The following BRS3 variants were observed in gnomAD, a reference collection of about 807,000 sequenced individuals.
BRS3 encodes bombesin receptor subtype-3.
Under a neutral mutation model 18.8 loss-of-function variants are expected in BRS3, and 5 were observed. The observed-to-expected ratio is 0.27, with a 90% CI of 0.14 to 0.56. The LOEUF is 0.56. Among genes scored for constraint, BRS3 ranks in the 20% least tolerant of loss-of-function variants. BRS3 has a pLI of 0.93. For synonymous variants in BRS3, 121 were observed against 115.0 expected (o/e 1.05, Z -0.33); for missense variants, 215 against 296.3 (o/e 0.73, Z 2.01).
chrX:136,492,261 T>G lies in BRS3; in HGVS notation c.1086T>G (p.Leu362=), dbSNP rs2075673348. ...AGCCTCCTGTTGCTGACACCTCTCT[T>G]ACCACCCTGGCTGTGATGGGAACGG... ...RPEPPVADTS[L]TTLAVMGTVP... Residue 362 remains leucine (L), a synonymous_variant, in exon 3 of 3, where the codon CTT becomes CTG. Coordinates refer to ENST00000370648, the MANE Select transcript of BRS3 (RefSeq NM_001727.2). 1 of 1,211,711 alleles carries G rather than the reference T, an allele frequency of 8.3e-7. No homozygotes were observed. Among genetic ancestry groups the G allele is most frequent in the African/African-American group, 1.7e-5 (1 of 57,715 alleles).
In BRS3 at chrX:136,488,223, A is replaced by G. The variant is rs1391317266; in HGVS notation, c.109A>G (p.Ser37Gly). 1 of 1,211,823 alleles carries G rather than the reference A, an allele frequency of 8.3e-7. No homozygotes were observed. Among genetic ancestry groups the G allele is most frequent in the East Asian group, 3.0e-5 (1 of 33,875 alleles). ...VSNDNTNKGW[S>G]GDNSPGIEAL... ...TAACGATAACACAAATAAAGGATGG[A>G]GCGGGGACAACTCTCCAGGAATAGA... Residue 37 changes from serine to glycine, a missense_variant, in exon 1 of 3, where the codon AGC becomes GGC. This residue lies in a region of BRS3 where 47 missense variants were observed against 43.1 expected (regional missense o/e 1.09). Coordinates refer to ENST00000370648, the MANE Select transcript of BRS3 (RefSeq NM_001727.2).
chrX:136,490,335 T>G lies in BRS3; in HGVS notation c.637T>G (p.Leu213Val). ...CTSYPVSKKL[L>V]QEIHSLLCFL... Reference sequence around the variant, plus strand: ...CTCTTATCCTGTCTCTAAGAAGCTCTTGCAAGAAATACATTCTCTGCTGTG... The same window carrying G: ...CTCTTATCCTGTCTCTAAGAAGCTCGTGCAAGAAATACATTCTCTGCTGTG... The change falls in exon 2 of 3, where the codon TTG (leucine) becomes GTG (valine). Residue 213 changes from leucine (L) to valine (V), a missense_variant. By Grantham distance (32) the Leu-to-Val change is conservative. This residue lies in a region of BRS3 where 123 missense variants were observed against 207.6 expected (regional missense o/e 0.59). Coordinates refer to ENST00000370648, the MANE Select transcript of BRS3 (RefSeq NM_001727.2). 1 of 1,208,414 alleles carries G rather than the reference T, an allele frequency of 8.3e-7. No individual in the cohort carries two copies. Among genetic ancestry groups the G allele is most frequent in the South Asian group, 1.8e-5 (1 of 56,908 alleles).
intron 2 of BRS3, 40 bp from the exon 3 acceptor site, chrX:136,491,922 T>G (rs760041460): frequency 2.5e-5 from 15 of 609,488 alleles, no homozygotes; most frequent in South Asian, 1.0e-4. Flanking sequence ...TGTTTTTTTT[T>G]TTTTTTTTTT....
intron 1 of BRS3, 49 bp from the exon 2 acceptor site, chrX:136,490,084 G>T (rs1245203048): frequency 9.1e-7 from 1 of 1,094,493 alleles, no homozygotes; most frequent in Admixed American, 2.7e-5. Flanking sequence ...CTAAAATTTG[G>T]TAACTTTGAC....
chrX:136,491,858 T>C lies in BRS3; in HGVS notation c.787-104T>C, dbSNP rs972985108. 6 of 874,076 alleles carry C rather than the reference T, an allele frequency of 6.9e-6. No homozygotes were observed. In the African/African-American group the frequency reaches 1.3e-4, roughly 19 times the overall value. The allele number at this position is 874,076 out of a possible 1,213,427, so 72.0% of individuals were successfully genotyped here. A position where few individuals can be genotyped will look rare whatever the true frequency, so the allele number is the denominator to read the frequency against. ...TCTATGTAAATTTATAGGATAACTT[T>C]TTAAAATCTCTCACAGCTAAATGTT... On this transcript the variant is annotated intron_variant, in intron 2 of 2. Coordinates refer to ENST00000370648, the MANE Select transcript of BRS3 (RefSeq NM_001727.2).
rs773654082 is a variant in BRS3 at position 136,490,322 on chromosome X, C to T, written c.624C>T (p.Val208=). ...TTGAATCATGTACCTCTTATCCTGTCTCTAAGAAGCTCTTGCAAGAAATAC... is the reference window on the plus strand; with the variant it reads ...TTGAATCATGTACCTCTTATCCTGTTTCTAAGAAGCTCTTGCAAGAAATAC... ...MTFESCTSYP[V]SKKLLQEIHS... is the part of the protein sequence containing the mutation. The change falls in exon 2 of 3, where the codon GTC becomes GTT. Residue 208 remains valine (V), a synonymous_variant. Coordinates refer to ENST00000370648, the MANE Select transcript of BRS3 (RefSeq NM_001727.2). 4.6e-5 allele frequency: 55 copies of T among 1,207,736 alleles called. No individual in the cohort carries two copies. The Admixed American group carries it at 1.2e-3, about 26-fold the overall frequency.
chrX:136,492,218 G>T lies in BRS3; in HGVS notation c.1043G>T (p.Cys348Phe). ...QKHFKAQLFC[C>F]KAERPEPPVA... Reference sequence around the variant, plus strand: ...CATTTTAAAGCTCAGTTGTTCTGTTGCAAGGCGGAGCGGCCTGAGCCTCCT... The same window carrying T: ...CATTTTAAAGCTCAGTTGTTCTGTTTCAAGGCGGAGCGGCCTGAGCCTCCT... The change falls in exon 3 of 3, where the codon TGC becomes TTC. Residue 348 changes from cysteine to phenylalanine, a missense_variant. This residue lies in a region of BRS3 where 45 missense variants were observed against 45.5 expected (regional missense o/e 0.99). Coordinates refer to ENST00000370648, the MANE Select transcript of BRS3 (RefSeq NM_001727.2). 1.7e-6 allele frequency: 2 copies of T among 1,211,434 alleles called. No homozygotes were observed. Among genetic ancestry groups the T allele is most frequent in the Non-Finnish European group, 2.2e-6 (2 of 895,506 alleles).
Position 136,490,494 on chromosome X carries a change from A to T in BRS3, c.786+10A>T. 1.8e-6 allele frequency: 2 copies of T among 1,106,038 alleles called. No homozygotes were observed. The highest frequency in any genetic ancestry group is 2.8e-5 in the Admixed American group (1 of 35,988). 91.1% of individuals were successfully genotyped at this position (1,106,038 alleles called of 1,213,427 possible). A position where few individuals can be genotyped will look rare whatever the true frequency, so the allele number is the denominator to read the frequency against. The stretch of plus-strand genomic sequence containing the variant: ...CCATGCCCGTAAGCAGGTATGTATT[A>T]ATCAGTACTCATGCAAATCTAGTTT... On this transcript the variant is annotated intron_variant, in intron 2 of 2. Coordinates refer to ENST00000370648, the MANE Select transcript of BRS3 (RefSeq NM_001727.2).
At position 136,492,504 on chromosome X, in the gene BRS3, A is replaced by G. The variant is rs1364482087; in HGVS notation, c.*129A>G. On this transcript the variant is annotated 3_prime_UTR_variant, in exon 3 of 3. Coordinates refer to ENST00000370648, the MANE Select transcript of BRS3 (RefSeq NM_001727.2). Reference sequence around the variant, plus strand: ...GAAATCTTAGGAGTGAAGGATCCCTATAAGTAAGTAAAATACAAACCATTA... The same window carrying G: ...GAAATCTTAGGAGTGAAGGATCCCTGTAAGTAAGTAAAATACAAACCATTA... 2 of 627,296 alleles carry G rather than the reference A, an allele frequency of 3.2e-6. No individual in the cohort carries two copies. Among genetic ancestry groups the G allele is most frequent in the African/African-American group, 2.2e-5 (1 of 44,587 alleles). The allele number at this position is 627,296 out of a possible 1,213,427, so 51.7% of individuals were successfully genotyped here.
rs2075664931 is a variant in BRS3, at chrX:136,490,351, C to A, written c.653C>A (p.Ser218Tyr). 1 of 1,206,854 alleles carries A rather than the reference C, an allele frequency of 8.3e-7. No homozygotes were observed. The highest frequency in any genetic ancestry group is 1.8e-5 in the South Asian group (1 of 56,872). The change falls in exon 2 of 3, where the codon TCT becomes TAT. Residue 218 changes from serine (S) to tyrosine (Y), a missense_variant. Ser to Tyr is a moderately radical substitution (Grantham distance 144, BLOSUM62 -2). Transcript: ENST00000370648. ...VSKKLLQEIH[S>Y]LLCFLVFYII... is the part of the protein sequence containing the mutation. ...AAGAAGCTCTTGCAAGAAATACATT[C>A]TCTGCTGTGCTTCTTAGTGTTCTAC... is the stretch of plus-strand genomic sequence containing the variant.
chrX:136,490,091 T>C (rs1284740394), intron 1 of BRS3, 42 bp from the exon 2 acceptor site: 1 of 1,116,951 alleles, frequency 9.0e-7, no homozygotes, highest in South Asian at 2.1e-5. Flanking sequence ...TTGGTAACTT[T>C]GACATTTATT....
At position 136,490,638 on chromosome X, in the gene BRS3, T is replaced by C. The variant is rs190504720; in HGVS notation, c.786+154T>C. 2.5e-3 allele frequency among the ~76,000 whole-genome samples: 282 copies of C among 112,587 alleles called. 4 individuals carry two copies. Among genetic ancestry groups the C allele is most frequent in the Admixed American group, 0.024 (253 of 10,616 alleles). On this transcript the variant is annotated intron_variant, in intron 2 of 2. Transcript: ENST00000370648. ...GCATAGGCTCCGGTTTGAATCCCAG[T>C]TCTATCACGTACTAGCTGAGTAATC...
Position 136,492,420 on chromosome X carries a change from G to C in BRS3, c.*45G>C, listed in dbSNP as rs373719460. On this transcript the variant is annotated 3_prime_UTR_variant, in exon 3 of 3. Transcript: ENST00000370648. ...GCTTCTCCTCCCAGCGTGTGTATCC[G>C]ACTCTAAGCTGTGTGCAGGTGTATG... 2 of 1,146,436 alleles carry C rather than the reference G, an allele frequency of 1.7e-6. No individual in the cohort carries two copies. The highest frequency in any genetic ancestry group is 6.0e-5 in the East Asian group (2 of 33,432). 94.5% of individuals were successfully genotyped at this position (1,146,436 alleles called of 1,213,427 possible).
rs1227062840 is a variant in BRS3, at chrX:136,493,653, A to G, written c.*1278A>G. On this transcript the variant is annotated 3_prime_UTR_variant, in exon 3 of 3. Coordinates refer to ENST00000370648, the MANE Select transcript of BRS3 (RefSeq NM_001727.2). ...AAAAGGTAATACATATTAACATTAGACTTTAACTTTCTGTAAAATTGGTTT... is the reference window on the plus strand; with the variant it reads ...AAAAGGTAATACATATTAACATTAGGCTTTAACTTTCTGTAAAATTGGTTT... 1 of 112,011 alleles carries G rather than the reference A, an allele frequency of 8.9e-6. No individual in the cohort carries two copies. The highest frequency in any genetic ancestry group is 1.9e-5 in the Non-Finnish European group (1 of 53,216). 9.2% of individuals were successfully genotyped at this position (112,011 alleles called of 1,213,427 possible).
rs3027833 is a variant in BRS3, at chrX:136,491,578, G to A, written c.787-384G>A. ...TGCAGTGAAAGCAATTTTGTATAGC[G>A]TCTCTTTGTTTTTAATTACAGTAAA... On this transcript the variant is annotated intron_variant, in intron 2 of 2. Transcript: ENST00000370648. 9.8e-5 allele frequency among the ~76,000 whole-genome samples: 11 copies of A among 112,403 alleles called. No homozygotes were observed. The East Asian group carries it at 1.9e-3, about 20-fold the overall frequency.
chrX:136,491,592 AATT>A (rs2075668958), intron 2 of BRS3, among the ~76,000 whole-genome samples: 1 of 112,372 alleles, frequency 8.9e-6, no homozygotes, highest in South Asian at 3.7e-4. Flanking sequence ...CTTTGTTTTT[AATT>A]ACAGTAAATT....
At position 136,492,811 on chromosome X, in the gene BRS3, A is replaced by G. The variant is rs2075675162; in HGVS notation, c.*436A>G. 1 of 116,206 alleles carries G rather than the reference A, an allele frequency of 8.6e-6. No individual in the cohort carries two copies. The highest frequency in any genetic ancestry group is 3.6e-4 in the South Asian group (1 of 2,813). 9.6% of individuals were successfully genotyped at this position (116,206 alleles called of 1,213,427 possible). On this transcript the variant is annotated 3_prime_UTR_variant, in exon 3 of 3. Transcript: ENST00000370648. Reference sequence around the variant, plus strand: ...CTTTGTATGTGAAAAGGGGATCACAAAAGAGAGAAAGCATCTCTTAGGCTA... The same window carrying G: ...CTTTGTATGTGAAAAGGGGATCACAGAAGAGAGAAAGCATCTCTTAGGCTA...
chrX:136,491,938 TTGC>T, intron 2 of BRS3, 21 bp from the exon 3 acceptor site: 11 of 828,893 alleles, frequency 1.3e-5, no homozygotes, highest in Non-Finnish European at 1.6e-5. Flanking sequence ...TTTTTTTTTT[TTGC>T]TATGTTTCTT....
At position 136,490,389 on chromosome X, in the gene BRS3, T is replaced by C; in HGVS notation, c.691T>C (p.Ser231Pro). 8.3e-7 allele frequency: 1 copy of C among 1,208,310 alleles called. No individual in the cohort carries two copies. Among genetic ancestry groups the C allele is most frequent in the Admixed American group, 2.2e-5 (1 of 45,977 alleles). The change falls in exon 2 of 3, where the codon TCT becomes CCT. Residue 231 changes from serine (S) to proline (P), a missense_variant. Coordinates refer to ENST00000370648, the MANE Select transcript of BRS3 (RefSeq NM_001727.2). ...CTTAGTGTTCTACATTATTCCACTC[T>C]CTATTATCTCTGTCTACTATTCCTT... is the stretch of plus-strand genomic sequence containing the variant. ...CFLVFYIIPLSIISVYYSLIA... is the reference protein window; with the variant it reads ...CFLVFYIIPLPIISVYYSLIA...
Sources: gnomAD v4.1 joint callset for allele counts (sites outside exome capture counted in the v4.1 genomes callset) on GRCh38, gnomAD v4.1.1 for gene constraint, gnomAD v4.1.1 regional missense constraint, MANE v1.5 for transcripts, NCBI Gene and HGNC (gene_info 2026-07-23, HGNC 2026-07-21) for gene names.